ATP8B4: variants seen among roughly 807,000 people sequenced by gnomAD.
ATP8B4 encodes ATPase phospholipid transporting 8B4 (putative).
A neutral mutation model predicts 145.6 loss-of-function variants in ATP8B4; 133 were observed. The observed-to-expected ratio is 0.91, with a 90% CI of 0.79 to 1.05. The LOEUF is 1.05. Ranked by LOEUF, ATP8B4 falls within the 50% of genes least tolerant of loss-of-function variation. The pLI, the probability that ATP8B4 is intolerant of heterozygous loss-of-function variation, is 0.00. For missense variants in ATP8B4, 1,458 were observed against 1,425.2 expected (o/e 1.02, Z -0.37); for synonymous variants, 507 against 492.9 (o/e 1.03, Z -0.38).
intron 1 of ATP8B4, among the ~76,000 whole-genome samples, chr15:50,168,720 C>A (rs2044628717): frequency 6.6e-6 from 1 of 152,208 alleles, no homozygotes. Flanking sequence ...GGCATGTAGA[C>A]TTCACAGGTC....
intron 7 of ATP8B4, among the ~76,000 whole-genome samples, chr15:50,004,570 G>A (rs754194402): frequency 8.5e-5 from 13 of 152,160 alleles, no homozygotes; most frequent in East Asian, 1.9e-4. Flanking sequence ...TCCAAATAAC[G>A]TAGCTGATAT....
chr15:50,119,053 C>T (rs1245554514), intron 1 of ATP8B4, 70 bp downstream of exon 1: 1 of 152,102 alleles, frequency 6.6e-6, no homozygotes, highest in Non-Finnish European at 1.5e-5. Flanking sequence ...AGAAACAGAT[C>T]GTTCCAACCA....
rs143232591 is a variant in ATP8B4, at chr15:49,858,889, T to C, written c.*1305A>G. On this transcript the variant is annotated 3_prime_UTR_variant, in exon 28 of 28. Coordinates refer to ENST00000284509, the MANE Select transcript of ATP8B4 (RefSeq NM_024837.4). Reference sequence around the variant, plus strand: ...AACTCATCTGTTTATGAAATAATTATGTTTTTAATAATTTCAGAGTTTGTG... The same window carrying C: ...AACTCATCTGTTTATGAAATAATTACGTTTTTAATAATTTCAGAGTTTGTG... 6.6e-6 allele frequency: 1 copy of C among 152,356 alleles called. No individual in the cohort carries two copies. Among genetic ancestry groups the C allele is most frequent in the African/African-American group, 2.4e-5 (1 of 41,580 alleles). The allele number at this position is 152,356 out of a possible 1,614,324, so 9.4% of individuals were successfully genotyped here.
chr15:50,142,684 G>A (rs1346919310), intron 1 of ATP8B4, among the ~76,000 whole-genome samples: 1 of 152,178 alleles, frequency 6.6e-6, no homozygotes, highest in Non-Finnish European at 1.5e-5. Context: ...AGAGGCTGAT[G>A]TCCAGGGAAT....
At chr15:50,067,745 C>T (rs958385008) in intron 3 of ATP8B4, among the ~76,000 whole-genome samples, 3 of 152,238 alleles carry the variant, frequency 2.0e-5, no homozygotes, top group East Asian at 1.9e-4. Flanking sequence ...TAAGCAGGCA[C>T]GTCCTGTAGC....
At chr15:50,179,784 T>C (rs532345348) in intron 1 of ATP8B4, among the ~76,000 whole-genome samples, 8 of 152,304 alleles carry the variant, frequency 5.3e-5, no homozygotes, top group Non-Finnish European at 7.4e-5. Flanking sequence ...ACACCACATC[T>C]GCTGGCACCT....
chr15:49,998,638 T>C (rs2047625117), intron 8 of ATP8B4, among the ~76,000 whole-genome samples: 1 of 152,242 alleles, frequency 6.6e-6, no homozygotes, highest in Non-Finnish European at 1.5e-5. Context: ...TTCTGGATAT[T>C]AGCCCTTTGT....
chr15:49,889,760 G>A (rs978240080), intron 23 of ATP8B4, among the ~76,000 whole-genome samples: 1 of 152,240 alleles, frequency 6.6e-6, no homozygotes. Context: ...GACTGATGTA[G>A]TAAAGAAACA....
At position 49,897,166 on chromosome 15, in the gene ATP8B4, A is replaced by G. The variant is rs150162374; in HGVS notation, c.2697+126T>C. ...CTATCAATTACATAATTGTAATACT[A>G]TTACTTGAATCAGCCATTAAAAAAT... On this transcript the variant is annotated intron_variant, in intron 23 of 27. Transcript: ENST00000284509. 5.1e-3 allele frequency: 4,311 copies of G among 848,134 alleles called. 33 individuals carry two copies. Among genetic ancestry groups the G allele is most frequent in the Middle Eastern group, 0.016 (58 of 3,536 alleles). The allele number at this position is 848,134 out of a possible 1,614,324, so 52.5% of individuals were successfully genotyped here.
chr15:49,901,343 C>T, intron 20 of ATP8B4, 104 bp from the exon 21 acceptor site: 5 of 1,235,652 alleles, frequency 4.0e-6, no homozygotes, highest in Non-Finnish European at 5.6e-6. Context: ...CACCACTATT[C>T]AGAGAGAATA....
intron 1 of ATP8B4, among the ~76,000 whole-genome samples, chr15:50,152,465 T>G (rs1226143486): frequency 2.0e-5 from 3 of 152,212 alleles, no homozygotes; most frequent in Non-Finnish European, 4.4e-5. Context: ...CTAGTATCAC[T>G]TATTGTTTGA....
intron 1 of ATP8B4, among the ~76,000 whole-genome samples, chr15:50,155,761 A>G (rs1021373843): frequency 6.6e-6 from 1 of 152,036 alleles, no homozygotes; most frequent in Non-Finnish European, 1.5e-5. Context: ...TCATTTTAGA[A>G]CTTTAGTCAT....
chr15:50,056,061 G>C (rs1046102881), intron 3 of ATP8B4, among the ~76,000 whole-genome samples: 4 of 152,146 alleles, frequency 2.6e-5, no homozygotes, highest in Non-Finnish European at 4.4e-5. Context: ...AAGAGGCTTT[G>C]CAGAGTGTGT....
At chr15:49,915,137 A>T (rs1385733662) in intron 20 of ATP8B4, among the ~76,000 whole-genome samples, 1 of 152,152 alleles carries the variant, frequency 6.6e-6, no homozygotes, top group Admixed American at 6.5e-5. Flanking sequence ...ACCATCAAAA[A>T]AGAATGAAAT....
In ATP8B4 at chr15:49,919,399, CA is replaced by C. The variant is rs1437253758; in HGVS notation, c.1924-450del. Among the ~76,000 whole-genome samples the C allele has an allele frequency of 2.6e-5, 4 of 152,208 alleles. No individual in the cohort carries two copies. The East Asian group carries it at 5.8e-4, about 22-fold the overall frequency. The stretch of plus-strand genomic sequence containing the variant: ...CCATAAACTAAAGTGAAAGATCCTG[CA>C]TGATTTTTCCTTTTCCTTTCTTTCT... On this transcript the variant is annotated intron_variant, in intron 18 of 27. Transcript: ENST00000284509.
chr15:50,167,383 C>T (rs2140857704), intron 1 of ATP8B4, among the ~76,000 whole-genome samples: 1 of 152,230 alleles, frequency 6.6e-6, no homozygotes, highest in South Asian at 2.1e-4. Context: ...CCTTTTAGTG[C>T]CTGCTAGCAA....
intron 1 of ATP8B4, among the ~76,000 whole-genome samples, chr15:50,179,936 G>T (rs2044820136): frequency 6.6e-6 from 1 of 152,126 alleles, no homozygotes; most frequent in Non-Finnish European, 1.5e-5. Context: ...TGGATCCCAG[G>T]CTCAAAGCTG....
intron 1 of ATP8B4, among the ~76,000 whole-genome samples, chr15:50,148,500 C>T (rs1221259372): frequency 6.6e-6 from 1 of 152,104 alleles, no homozygotes; most frequent in Non-Finnish European, 1.5e-5. Context: ...GATTAAGGCC[C>T]TTACAAAAGA....
In ATP8B4 at chr15:49,871,867, G is replaced by C. The variant is rs150989397; in HGVS notation, c.3027+4411C>G. Among the ~76,000 whole-genome samples the C allele has an allele frequency of 1.9e-3, 292 of 152,214 alleles. 2 individuals are homozygous for C. Among genetic ancestry groups the C allele is most frequent in the African/African-American group, 5.1e-3 (213 of 41,508 alleles). On this transcript the variant is annotated intron_variant, in intron 25 of 27. Coordinates refer to ENST00000284509, the MANE Select transcript of ATP8B4 (RefSeq NM_024837.4). ...TCTCCTAGCTGTTTTAGGCCCTCAA[G>C]CACTCAGAATTAATGGTGGGAGTGG...
Sources: allele counts gnomAD v4.1 joint callset (sites outside exome capture counted in the v4.1 genomes callset), GRCh38; gene constraint gnomAD v4.1.1; transcripts MANE v1.5; gene names NCBI Gene and HGNC (gene_info 2026-07-23, HGNC 2026-07-21).